The following TFB1M variants were observed in gnomAD, a reference collection of about 807,000 sequenced individuals.
The protein encoded by TFB1M is transcription factor B1, mitochondrial.
Under a neutral mutation model 31.1 loss-of-function variants are expected in TFB1M, and 27 were observed. The observed-to-expected ratio is 0.87, with a 90% confidence interval of 0.64 to 1.20. The LOEUF (loss-of-function observed/expected upper bound fraction) is 1.20. TFB1M is among the 50% of genes most tolerant of loss of function. The pLI, the probability that TFB1M is intolerant of heterozygous loss-of-function variation, is 0.00. For missense variants in TFB1M, 394 were observed against 418.7 expected, an observed-to-expected ratio of 0.94 and a Z score of 0.51; for synonymous variants, 166 against 151.8, an observed-to-expected ratio of 1.09 and a Z score of -0.69.
intron 5 of TFB1M, among the ~76,000 whole-genome samples, chr6:155,261,139 C>A (rs1227418153): frequency 6.6e-6 from 1 of 152,132 alleles, no homozygotes; most frequent in African/African-American, 2.4e-5. Context: ...TTCACAAGGA[C>A]AAATTCAAAT....
chr6:155,265,714 T>TTTATATATAATATAAATATATA (rs1554251532), intron 5 of TFB1M, among the ~76,000 whole-genome samples: 3 of 145,682 alleles, frequency 2.1e-5, no homozygotes, highest in Non-Finnish European at 3.0e-5. Context: ...ATTAAATATA[T>TTTATATATAATATAAATATATA]TTATATATAA....
At chr6:155,245,880 G>A in the TFB1M span, 1 of 494,260 alleles carries the variant, frequency 2.0e-6, no homozygotes, top group Non-Finnish European at 3.4e-6. Context: ...AAATATTAAA[G>A]GGAAAGGTTT....
intron 5 of TFB1M, chr6:155,276,302 G>C (rs538851441): frequency 1.2e-6 from 2 of 1,613,666 alleles, no homozygotes; most frequent in Admixed American, 3.3e-5. Flanking sequence ...AGCTAGACTC[G>C]ACCCACCCAC....
Position 155,260,381 on chromosome 6 carries a change from T to C in TFB1M, c.686A>G (p.His229Arg), listed in dbSNP as rs751234476. The C allele has an allele frequency of 2.5e-6, 4 of 1,614,098 alleles. No homozygotes were observed. In the Admixed American group the frequency reaches 6.7e-5, roughly 27 times the overall value. Residue 229 changes from histidine to arginine, a missense_variant, in exon 6 of 7, where the codon CAC (histidine) becomes CGC (arginine). Coordinates refer to ENST00000367166, the MANE Select transcript of TFB1M (RefSeq NM_016020.4). ...PKPEVDVGVVHFTPLIQPKIE... is the reference protein window; with the variant it reads ...PKPEVDVGVVRFTPLIQPKIE... The stretch of plus-strand genomic sequence containing the variant: ...CTTGGGCTGTATCAAGGGAGTGAAG[T>C]GCACCACGCCCACGTCCACCTTCGT...
chr6:155,255,700 G>T (rs1193438022), downstream of TFB1M: 1 of 152,184 alleles, frequency 6.6e-6, no homozygotes, highest in East Asian at 1.9e-4. Context: ...TCATATGAGA[G>T]ATAAAGAGCA....
intron 4 of TFB1M, among the ~76,000 whole-genome samples, chr6:155,287,254 T>G (rs915180324): frequency 6.6e-6 from 1 of 152,184 alleles, no homozygotes; most frequent in Non-Finnish European, 1.5e-5. Context: ...TGAAGCTGTG[T>G]AAAACCTCAT....
chr6:155,253,381 G>T, downstream of TFB1M: 1 of 270,734 alleles, frequency 3.7e-6, no homozygotes, highest in South Asian at 6.7e-5. Flanking sequence ...TACAAATTTA[G>T]AATATAGCAG....
At chr6:155,243,437 TTACC>T in the TFB1M span, among the ~76,000 whole-genome samples, 459 of 152,284 alleles carry the variant, frequency 3.0e-3, 1 homozygote, top group African/African-American at 0.01. Flanking sequence ...ACCAAGACAC[TTACC>T]TAAGCAGAGG....
chr6:155,270,283 C>G lies in TFB1M; in HGVS notation c.667-9883G>C, dbSNP rs185830374. On this transcript the variant is annotated intron_variant, in intron 5 of 6. Transcript: ENST00000367166. ...GCCAAGTCAGCAGACAGAAACACAA[C>G]TTGGGAGTTCAGGGGAGAGGGCTGG... 6.6e-3 allele frequency among the ~76,000 whole-genome samples: 1,000 copies of G among 152,246 alleles called. 4 individuals are homozygous for G. The highest frequency in any genetic ancestry group is 0.011 in the Non-Finnish European group (721 of 68,012).
intron 6 of TFB1M, among the ~76,000 whole-genome samples, chr6:155,259,448 GAGCTGATGCCC>G (rs1562384026): frequency 6.6e-6 from 1 of 152,240 alleles, no homozygotes; most frequent in Non-Finnish European, 1.5e-5. Context: ...GCACTCTTAG[GAGCTGATGCCC>G]AGCTGGCCCC....
rs565089932 is a variant in TFB1M, at chr6:155,302,196, T to C, written c.286-3611A>G. ...TTGAATACCCATTTTGCATATTTTA[T>C]GTCACCTTCTCATGTAAGGGGTTCA... On this transcript the variant is annotated intron_variant, in intron 2 of 6. Transcript: ENST00000367166. Among the ~76,000 whole-genome samples, 677 of 152,354 alleles carry C rather than the reference T, an allele frequency of 4.4e-3. 3 individuals are homozygous for C. The highest frequency in any genetic ancestry group is 0.015 in the African/African-American group (640 of 41,578).
intron 5 of TFB1M, chr6:155,275,527 C>T: frequency 1.7e-6 from 1 of 586,426 alleles, no homozygotes; most frequent in Non-Finnish European, 3.0e-6. Context: ...GGGGGATACT[C>T]AGATGTGTTC....
the TFB1M span, among the ~76,000 whole-genome samples, chr6:155,242,096 T>C: frequency 2.0e-5 from 3 of 152,220 alleles, no homozygotes; most frequent in Non-Finnish European, 4.4e-5. Flanking sequence ...CTCTCCCTTC[T>C]CTCTGCAAGA....
the TFB1M span, among the ~76,000 whole-genome samples, chr6:155,249,428 T>C: frequency 6.6e-6 from 1 of 152,176 alleles, no homozygotes; most frequent in Non-Finnish European, 1.5e-5. Context: ...GCTCCATTCT[T>C]GTGTTTTCCT....
At chr6:155,287,867 T>C (rs979487229) in intron 4 of TFB1M, among the ~76,000 whole-genome samples, 1 of 152,194 alleles carries the variant, frequency 6.6e-6, no homozygotes, top group African/African-American at 2.4e-5. Flanking sequence ...AACCCTCTTC[T>C]GAATGATTCA....
chr6:155,249,933 C>A, the TFB1M span: 1 of 1,614,044 alleles, frequency 6.2e-7, no homozygotes, highest in South Asian at 1.1e-5. Flanking sequence ...CCGTGTTTGA[C>A]CAGCTAGTAG....
chr6:155,311,084 G>A (rs1424790148), intron 2 of TFB1M, 104 bp downstream of exon 2: 1 of 1,320,360 alleles, frequency 7.6e-7, no homozygotes, highest in African/African-American at 1.5e-5. Flanking sequence ...CTATAGTTGA[G>A]GAAAAACCTA....
intron 5 of TFB1M, among the ~76,000 whole-genome samples, chr6:155,283,175 A>G (rs1776461522): frequency 1.3e-5 from 2 of 152,190 alleles, no homozygotes; most frequent in African/African-American, 4.8e-5. Context: ...TTTAGCCTGT[A>G]ATCCCGGCAC....
At chr6:155,252,672 T>C (rs1473951732), downstream of TFB1M, among the ~76,000 whole-genome samples, 2 of 152,184 alleles carry the variant, frequency 1.3e-5, no homozygotes, top group Non-Finnish European at 2.9e-5. Flanking sequence ...TGGTTTACCA[T>C]TCAGAGGCAG....
Sources: gnomAD v4.1 joint callset for allele counts (sites outside exome capture counted in the v4.1 genomes callset) on GRCh38, gnomAD v4.1.1 for gene constraint, MANE v1.5 for transcripts, NCBI Gene and HGNC (gene_info 2026-07-23, HGNC 2026-07-21) for gene names.